The following FHOD1 variants were observed in gnomAD, a reference collection of about 807,000 sequenced individuals.
FHOD1 encodes the protein FH1/FH2 domain-containing protein 1.
In FHOD1, 89 loss-of-function variants were observed where a neutral mutation model predicts 111.6. The ratio of observed to expected loss-of-function variants is 0.80; its 90% CI spans 0.67 to 0.95. FHOD1 has a LOEUF of 0.95. FHOD1 is among the 40% of genes least tolerant of loss of function. The probability of loss-of-function intolerance (pLI) is 0.00; values close to 1 mark genes in which losing one functional copy is unlikely to be tolerated. For synonymous variants in FHOD1, 618 were observed against 639.0 expected, an observed-to-expected ratio of 0.97 and a Z score of 0.50; for missense variants, 1,446 against 1,554.2, an observed-to-expected ratio of 0.93 and a Z score of 1.17.
In FHOD1 at chr16:67,229,495, T is replaced by TGC. The variant is rs2034159315; in HGVS notation, c.*140_*141insGC. 2.7e-6 allele frequency: 2 copies of TGC among 732,396 alleles called. No individual in the cohort carries two copies. 45.4% of individuals were successfully genotyped at this position (732,396 alleles called of 1,614,324 possible). On this transcript the variant is annotated 3_prime_UTR_variant, in exon 22 of 22. Coordinates refer to ENST00000258201, the MANE Select transcript of FHOD1 (RefSeq NM_013241.3). ...ACACATACACACACACTCACATGCA[T>TGC]ACACACACGGCTAATACTGCTCAAG...
chr16:67,232,777 A>G (rs897301375), intron 13 of FHOD1, among the ~76,000 whole-genome samples: 1 of 151,904 alleles, frequency 6.6e-6, no homozygotes, highest in Admixed American at 6.6e-5. Context: ...CAGCCTCCCA[A>G]GTAGCTGGGA....
In FHOD1 at chr16:67,231,803, A is replaced by C. The variant is rs766696745; in HGVS notation, c.2219T>G (p.Met740Arg). The change falls in exon 15 of 22, where the codon ATG becomes AGG. Residue 740 changes from methionine to arginine, a missense_variant. Met to Arg is a moderately conservative substitution (Grantham distance 91, BLOSUM62 -1). Transcript: ENST00000258201. This position sits in a 1 kb window ranked among gnomAD's most constrained non-coding sequence, Gnocchi z 4.3. ...KDGIEKLLTMMPTEEERQKIE... is the reference protein window; with the variant it reads ...KDGIEKLLTMRPTEEERQKIE... ...CTTCTGCCGCTCTTCCTCCGTGGGC[A>C]TCATGGTCAGTAGCTTCTGAGGATG... 1 of 1,614,098 alleles carries C rather than the reference A, an allele frequency of 6.2e-7. No individual in the cohort carries two copies. The highest frequency in any genetic ancestry group is 2.2e-5 in the East Asian group (1 of 44,884).
Position 67,230,399 on chromosome 16 carries a change from G to A in FHOD1, c.2966C>T (p.Thr989Ile), listed in dbSNP as rs777791137. 1.2e-6 allele frequency: 2 copies of A among 1,614,236 alleles called. No homozygotes were observed. Among genetic ancestry groups the A allele is most frequent in the South Asian group, 2.2e-5 (2 of 91,088 alleles). ...CTGCTGTAGCACTCGTTCCCGGCAAGTCCGATACTCAAGCGCAAATTCCCG... is the reference window on the plus strand; with the variant it reads ...CTGCTGTAGCACTCGTTCCCGGCAAATCCGATACTCAAGCGCAAATTCCCG... ...TLREFALEYR[T>I]CRERVLQQQQ... is the part of the protein sequence containing the mutation. Residue 989 changes from threonine (T) to isoleucine (I), a missense_variant, in exon 19 of 22, where the codon ACT (threonine) becomes ATT (isoleucine). Transcript: ENST00000258201.
chr16:67,238,283 A>T lies in FHOD1; in HGVS notation c.466T>A (p.Phe156Ile). The part of the protein sequence containing the change: ...FQEDKDLVPE[F>I]VHSEGLSCLI... ...CAGCTCAGCCCCTCTGAATGCACAA[A>T]TTCAGGCACCAGGTCTTTGTCCTCC... The change falls in exon 5 of 22, where the codon TTT (phenylalanine) becomes ATT (isoleucine). Residue 156 changes from phenylalanine (F) to isoleucine (I), a missense_variant. Transcript: ENST00000258201. The surrounding 1 kb of genome is among the most constrained non-coding windows in gnomAD (Gnocchi z 4.2). The T allele has an allele frequency of 1.9e-6, 3 of 1,614,174 alleles. No individual in the cohort carries two copies. Among genetic ancestry groups the T allele is most frequent in the Non-Finnish European group, 2.5e-6 (3 of 1,180,022 alleles).
At position 67,238,400 on chromosome 16, in the gene FHOD1, A is replaced by C; in HGVS notation, c.421T>G (p.Ser141Ala). Residue 141 changes from serine (S) to alanine (A), a missense_variant, in exon 4 of 22, where the codon TCA becomes GCA. This residue lies in a region of FHOD1 where 234 missense variants were observed against 327.4 expected (regional missense o/e 0.71). Coordinates refer to ENST00000258201, the MANE Select transcript of FHOD1 (RefSeq NM_013241.3). The surrounding 1 kb of genome is among the most constrained non-coding windows in gnomAD (Gnocchi z 4.2). The part of the protein sequence containing the change: ...SGPELRRSLF[S>A]LKQIFQEDKD... The stretch of plus-strand genomic sequence containing the variant: ...CTCACCTGGAAGATCTGCTTCAGTG[A>C]GAAGAGGGAGCGGCGGAGCTCAGGA... The C allele has an allele frequency of 6.2e-7, 1 of 1,614,146 alleles. No individual in the cohort carries two copies. Among genetic ancestry groups the C allele is most frequent in the South Asian group, 1.1e-5 (1 of 91,076 alleles).
At chr16:67,246,373 C>T (rs533163155) in intron 1 of FHOD1, among the ~76,000 whole-genome samples, 178 of 152,244 alleles carry the variant, frequency 1.2e-3, no homozygotes, top group African/African-American at 3.8e-3. Context: ...AACAGCGCGC[C>T]GGAAAGGGCT....
Position 67,231,980 on chromosome 16 carries a change from C to A in FHOD1, c.2202+59G>T. 3 of 1,597,318 alleles carry A rather than the reference C, an allele frequency of 1.9e-6. No individual in the cohort carries two copies. The highest frequency in any genetic ancestry group is 2.6e-6 in the Non-Finnish European group (3 of 1,169,886). ...CCACCACCAGAGGGACAGGAAATGC[C>A]CACCTACCAAAGGAGAAGGCCAGAC... On this transcript the variant is annotated intron_variant, in intron 14 of 21. Transcript: ENST00000258201. The surrounding 1 kb of genome is among the most constrained non-coding windows in gnomAD (Gnocchi z 4.3).
Position 67,238,549 on chromosome 16 carries a change from A to G in FHOD1, c.374-102T>C, listed in dbSNP as rs1204849340. ...TCCACCAAAGAATAGTCTAATATAT[A>G]TGTTTTGGTCTGAGAGACAGGGTCT... On this transcript the variant is annotated intron_variant, in intron 3 of 21. Transcript: ENST00000258201. This position sits in a 1 kb window ranked among gnomAD's most constrained non-coding sequence, Gnocchi z 4.2. 4.3e-6 allele frequency: 5 copies of G among 1,171,552 alleles called. No homozygotes were observed. Among genetic ancestry groups the G allele is most frequent in the Non-Finnish European group, 3.7e-6 (3 of 802,698 alleles). The allele number at this position is 1,171,552 out of a possible 1,614,324, so 72.6% of individuals were successfully genotyped here. A position where few individuals can be genotyped will look rare whatever the true frequency, so the allele number is the denominator to read the frequency against.
rs751662917 is a variant in FHOD1, at chr16:67,230,088, G to A, written c.3192C>T (p.Thr1064=). The change falls in exon 20 of 22, where the codon ACC becomes ACT. Residue 1064 remains threonine (T), a synonymous_variant. Coordinates refer to ENST00000258201, the MANE Select transcript of FHOD1 (RefSeq NM_013241.3). ...KSLLTSRPED[T]THNRRSRGMV... is the part of the protein sequence containing the mutation. ...CACCTCTGCTGCGGCGATTGTGTGT[G>A]GTGTCCTCAGGCCTGCTGGTCAGCA... 4.3e-6 allele frequency: 7 copies of A among 1,614,046 alleles called. No individual in the cohort carries two copies. In the African/African-American group the frequency reaches 5.3e-5, roughly 12 times the overall value.
chr16:67,238,612 C>A lies in FHOD1; in HGVS notation c.374-165G>T. The A allele has an allele frequency of 1.4e-6, 1 of 737,252 alleles. No homozygotes were observed. The allele number at this position is 737,252 out of a possible 1,614,324, so 45.7% of individuals were successfully genotyped here. A position where few individuals can be genotyped will look rare whatever the true frequency, so the allele number is the denominator to read the frequency against. ...CAGGCTGGAGTGTGGAGTGCAGTGG[C>A]ACAGTCATAGCTCACTGCAACCTCA... On this transcript the variant is annotated intron_variant, in intron 3 of 21. Transcript: ENST00000258201. This position sits in a 1 kb window ranked among gnomAD's most constrained non-coding sequence, Gnocchi z 4.2.
In FHOD1 at chr16:67,230,643, C is replaced by T. The variant is rs143903337; in HGVS notation, c.2816G>A (p.Arg939His). Reference protein sequence around the residue: ...LTHFLDQCARRVAMLRIVHRR... With the variant: ...LTHFLDQCARHVAMLRIVHRR... ...GTGCACTATCCTTAGCATGGCAACA[C>T]GGCGGGCACACTGGTCCAGGAAGTG... is the stretch of plus-strand genomic sequence containing the variant. The change falls in exon 18 of 22, where the codon CGT (arginine) becomes CAT (histidine). Residue 939 changes from arginine (R) to histidine (H), a missense_variant. Arg to His is a conservative substitution (Grantham distance 29, BLOSUM62 0). Around this residue, in one of 3 missense-constraint regions of FHOD1, gnomAD observed 1,085 missense variants for 1,108.8 expected, o/e 0.98. Transcript: ENST00000258201. 2.5e-4 allele frequency: 402 copies of T among 1,614,014 alleles called. No individual in the cohort carries two copies. The highest frequency in any genetic ancestry group is 9.9e-4 in the Middle Eastern group (6 of 6,062).
Position 67,231,865 on chromosome 16 carries a change from TG to T in FHOD1, c.2203-47del. ...TGACATGGCCCCCTCAATGCAGGCC[TG>T]AGGCCTGAGGCATTGGTCTTGACCC... On this transcript the variant is annotated intron_variant, in intron 14 of 21. Coordinates refer to ENST00000258201, the MANE Select transcript of FHOD1 (RefSeq NM_013241.3). This position sits in a 1 kb window ranked among gnomAD's most constrained non-coding sequence, Gnocchi z 4.3. 1 of 1,580,774 alleles carries T rather than the reference TG, an allele frequency of 6.3e-7. No homozygotes were observed. Among genetic ancestry groups the T allele is most frequent in the East Asian group, 2.3e-5 (1 of 44,260 alleles).
Position 67,237,373 on chromosome 16 carries a change from C to T in FHOD1, c.859G>A (p.Ala287Thr), listed in dbSNP as rs557703439. 2 of 1,613,850 alleles carry T rather than the reference C, an allele frequency of 1.2e-6. No homozygotes were observed. The highest frequency in any genetic ancestry group is 1.7e-6 in the Non-Finnish European group (2 of 1,179,774). The change falls in exon 9 of 22, where the codon GCG (alanine) becomes ACG (threonine). Residue 287 changes from alanine (A) to threonine (T), a missense_variant. By Grantham distance (58) the Ala-to-Thr change is moderately conservative. This residue lies in a region of FHOD1 where 234 missense variants were observed against 327.4 expected (regional missense o/e 0.71). Transcript: ENST00000258201. This position sits in a 1 kb window ranked among gnomAD's most constrained non-coding sequence, Gnocchi z 5.6. ...TAGAAGGAGTCCTGGTCCGGGAGCG[C>T]CGCCAGCGTCTGGAGGGCGGGGATA... ...TVTLINKTLA[A>T]LPDQDSFYDV...
rs6499118 is a variant in FHOD1 at position 67,231,457 on chromosome 16, C to A, written c.2478G>T (p.Ala826=). 165,180 of 1,613,882 alleles carry A rather than the reference C, an allele frequency of 0.1. 20,392 individuals are homozygous for A. The highest frequency in any genetic ancestry group is 0.62 in the African/African-American group (46,698 of 74,880). ...TFRCILATLL[A]VGNFLNGSQS... is the part of the protein sequence containing the mutation. The stretch of plus-strand genomic sequence containing the variant: ...GGGAGCCATTGAGGAAGTTGCCCAC[C>A]GCTAGGAGGGTAGCCAGGATGCAGC... The change falls in exon 16 of 22, where the codon GCG becomes GCT. Residue 826 remains alanine, a synonymous_variant. Coordinates refer to ENST00000258201, the MANE Select transcript of FHOD1 (RefSeq NM_013241.3). This position sits in a 1 kb window ranked among gnomAD's most constrained non-coding sequence, Gnocchi z 4.3.
At position 67,234,369 on chromosome 16, in the gene FHOD1, C is replaced by T. The variant is rs1427155192; in HGVS notation, c.1423G>A (p.Gly475Ser). Residue 475 changes from glycine to serine, a missense_variant, in exon 12 of 22, where the codon GGT becomes AGT. Gly to Ser is a moderately conservative substitution (Grantham distance 56, BLOSUM62 0). Coordinates refer to ENST00000258201, the MANE Select transcript of FHOD1 (RefSeq NM_013241.3). ...CCCACCTACTCACCTGGGTGTCCAC[C>T]CGCCTCATTGGGCATGGCCCCGGCA... ...TLAGAMPNEA[G>S]GHPDARQLWD... is the part of the protein sequence containing the mutation. 3 of 1,610,464 alleles carry T rather than the reference C, an allele frequency of 1.9e-6. No individual in the cohort carries two copies. The highest frequency in any genetic ancestry group is 3.3e-5 in the Admixed American group (2 of 59,886).
intron 11 of FHOD1, chr16:67,235,993 G>A: frequency 1.0e-6 from 1 of 981,710 alleles, no homozygotes; most frequent in Non-Finnish European, 1.2e-6. Flanking sequence ...TGGCAGGCCT[G>A]GCAGGCCGGC....
Position 67,233,785 on chromosome 16 carries a change from G to T in FHOD1, c.1918C>A (p.His640Asn), listed in dbSNP as rs866203183. 6.2e-7 allele frequency: 1 copy of T among 1,613,724 alleles called. No homozygotes were observed. Among genetic ancestry groups the T allele is most frequent in the Non-Finnish European group, 8.5e-7 (1 of 1,180,002 alleles). The change falls in exon 13 of 22, where the codon CAT becomes AAT. Residue 640 changes from histidine to asparagine, a missense_variant. Transcript: ENST00000258201. ...CCAAAGCGGCTTGCAGAGACTCCAT[G>T]GCCCCCAGCCAGCTTCAGCTCACGC... ...FWRELKLAGG[H>N]GVSASRFGPC...
At chr16:67,230,880 C>T (rs2034240486) in intron 17 of FHOD1, 89 bp from the exon 18 acceptor site, 1 of 1,385,936 alleles carries the variant, frequency 7.2e-7, no homozygotes, top group Non-Finnish European at 9.8e-7. Context: ...GAGTGGCCAG[C>T]TTGGGCCCTA....
At position 67,230,223 on chromosome 16, in the gene FHOD1, C is replaced by A. The variant is rs1447553534; in HGVS notation, c.3057G>T (p.Glu1019Asp). The A allele has an allele frequency of 1.3e-5, 21 of 1,613,806 alleles. No homozygotes were observed. Among genetic ancestry groups the A allele is most frequent in the Non-Finnish European group, 1.5e-5 (18 of 1,179,876 alleles). The change falls in exon 20 of 22, where the codon GAG (glutamate) becomes GAT (aspartate). Residue 1019 changes from glutamate to aspartate, a missense_variant. By Grantham distance (45) the Glu-to-Asp change is conservative (BLOSUM62 2). Around this residue, in one of 3 missense-constraint regions of FHOD1, gnomAD observed 1,085 missense variants for 1,108.8 expected, o/e 0.98. Transcript: ENST00000258201. ...CTTCCCCAGCCACACCTGAGAACTTCTCTGTCTGGAGAAAGAAGAAGGGTG... is the reference window on the plus strand; with the variant it reads ...CTTCCCCAGCCACACCTGAGAACTTATCTGTCTGGAGAAAGAAGAAGGGTG... The part of the protein sequence containing the change: ...KTRGRMITET[E>D]KFSGVAGEAP...
Sources: gnomAD v4.1 joint callset for allele counts (sites outside exome capture counted in the v4.1 genomes callset) on GRCh38, gnomAD v4.1.1 for gene constraint, gnomAD v4.1.1 regional missense constraint, Gnocchi (gnomAD v3.1) non-coding constraint, MANE v1.5 for transcripts, NCBI Gene and HGNC (gene_info 2026-07-23, HGNC 2026-07-21) for gene names.